NOX4: variants seen among roughly 807,000 people sequenced by gnomAD.
NOX4 encodes the protein NADPH oxidase 4, also known as kidney oxidase-1.
A neutral mutation model predicts 87.6 loss-of-function variants in NOX4; 69 were observed. The ratio of observed to expected loss-of-function variants is 0.79; its 90% confidence interval spans 0.65 to 0.96. The LOEUF is 0.96. NOX4 is among the 40% of genes least tolerant of loss of function. The pLI, the probability that NOX4 is intolerant of heterozygous loss-of-function variation, is 0.00. For missense variants in NOX4, 680 were observed against 681.5 expected, an observed-to-expected ratio of 1.00 and a Z score of 0.02; for synonymous variants, 275 against 238.2, an observed-to-expected ratio of 1.15 and a Z score of -1.42.
chr11:89,467,076 C>T (rs746238209), intron 2 of NOX4, among the ~76,000 whole-genome samples: 2 of 151,946 alleles, frequency 1.3e-5, no homozygotes, highest in Non-Finnish European at 2.9e-5. Context: ...CGGCCGGGCA[C>T]GGTGGCTCAC....
the NOX4 span, among the ~76,000 whole-genome samples, chr11:89,578,648 G>A: frequency 2.0e-5 from 3 of 152,134 alleles, no homozygotes; most frequent in African/African-American, 7.2e-5. Flanking sequence ...CCAAGGTGAA[G>A]ATTCCATAGC....
the NOX4 span, among the ~76,000 whole-genome samples, chr11:89,533,436 G>GTTAT: frequency 6.6e-6 from 1 of 151,098 alleles, no homozygotes; most frequent in Non-Finnish European, 1.5e-5. Flanking sequence ...CAAGCCAGAT[G>GTTAT]TAATAATAGA....
the NOX4 span, among the ~76,000 whole-genome samples, chr11:89,506,323 G>GAA: frequency 2.1e-3 from 311 of 146,238 alleles, no homozygotes; most frequent in Middle Eastern, 7.3e-3. Flanking sequence ...GAAAGAAAGA[G>GAA]AAAAAAGGAA....
At chr11:89,343,119 A>G (rs1439202898) in intron 13 of NOX4, among the ~76,000 whole-genome samples, 1 of 152,082 alleles carries the variant, frequency 6.6e-6, no homozygotes. Flanking sequence ...GTGTTTTGAA[A>G]TAACTTTGGA....
chr11:89,503,870 G>T, the NOX4 span, among the ~76,000 whole-genome samples: 2 of 145,232 alleles, frequency 1.4e-5, no homozygotes, highest in Non-Finnish European at 3.0e-5. Flanking sequence ...CATCATACTA[G>T]ATCAAAGCTG....
chr11:89,566,979 G>T, the NOX4 span, among the ~76,000 whole-genome samples: 104 of 152,282 alleles, frequency 6.8e-4, no homozygotes, highest in South Asian at 1.4e-3. Flanking sequence ...GCTGGGAACT[G>T]GGGGGTGTTG....
intron 2 of NOX4, among the ~76,000 whole-genome samples, chr11:89,465,098 T>G (rs994861455): frequency 2.6e-5 from 4 of 152,142 alleles, no homozygotes; most frequent in Admixed American, 6.6e-5. Flanking sequence ...CATGAACCCA[T>G]CAACTACATT....
chr11:89,572,197 C>T, the NOX4 span, among the ~76,000 whole-genome samples: 1 of 152,340 alleles, frequency 6.6e-6, no homozygotes, highest in South Asian at 2.1e-4. Context: ...GGGGCCATGT[C>T]CTTAACCTTG....
chr11:89,413,446 T>C (rs1942591595), intron 8 of NOX4, among the ~76,000 whole-genome samples: 1 of 152,110 alleles, frequency 6.6e-6, no homozygotes, highest in African/African-American at 2.4e-5. Flanking sequence ...CATCAACAGA[T>C]GAATGGATAA....
the NOX4 span, among the ~76,000 whole-genome samples, chr11:89,521,837 A>C: frequency 1.3e-5 from 2 of 152,176 alleles, no homozygotes; most frequent in Non-Finnish European, 2.9e-5. Flanking sequence ...CTGAACAAGC[A>C]AAAAACAAAT....
chr11:89,552,867 T>A, the NOX4 span, among the ~76,000 whole-genome samples: 2 of 152,162 alleles, frequency 1.3e-5, no homozygotes, highest in African/African-American at 4.8e-5. Flanking sequence ...TTCTCAAGAC[T>A]CACATGTGTT....
intron 4 of NOX4, 90 bp from the exon 5 acceptor site, chr11:89,444,322 G>A: frequency 2.0e-6 from 2 of 1,012,280 alleles, no homozygotes; most frequent in Non-Finnish European, 1.5e-6. Context: ...AGTAAATACA[G>A]GGCCAAACTT....
chr11:89,348,406 C>T (rs1212404259), intron 13 of NOX4, among the ~76,000 whole-genome samples: 2 of 150,452 alleles, frequency 1.3e-5, no homozygotes, highest in Non-Finnish European at 3.0e-5. Flanking sequence ...CAGAGTAAGA[C>T]TCCATCTCAA....
chr11:89,449,336 T>C, intron 4 of NOX4, 104 bp downstream of exon 4: 1 of 772,060 alleles, frequency 1.3e-6, no homozygotes, highest in Non-Finnish European at 2.0e-6. Context: ...TCTGGAAGAA[T>C]AAGATTAGGG....
chr11:89,446,248 A>G (rs1445091232), intron 4 of NOX4, among the ~76,000 whole-genome samples: 1 of 152,164 alleles, frequency 6.6e-6, no homozygotes, highest in East Asian at 1.9e-4. Context: ...AGAAACTGTC[A>G]TTCATTGCAG....
At chr11:89,455,516 T>G (rs1945152595) in intron 2 of NOX4, among the ~76,000 whole-genome samples, 1 of 152,116 alleles carries the variant, frequency 6.6e-6, no homozygotes. Flanking sequence ...AGCTGAATTT[T>G]TAAACACAGG....
intron 1 of NOX4, 144 bp downstream of exon 1, chr11:89,491,046 C>T: frequency 1.2e-6 from 1 of 843,372 alleles, no homozygotes; most frequent in Non-Finnish European, 1.9e-6. Context: ...ATTGTTATCT[C>T]CAGCATAAAG....
intron 5 of NOX4, among the ~76,000 whole-genome samples, chr11:89,441,710 C>T (rs1944462128): frequency 6.6e-6 from 1 of 151,694 alleles, no homozygotes. Context: ...CCTAAGAAAA[C>T]CCAGAAGATG....
rs1392504351 is a variant in NOX4, at chr11:89,325,215, A to C, written c.*1541T>G. The C allele has an allele frequency of 2.3e-5, 3 of 127,796 alleles. No individual in the cohort carries two copies. Among genetic ancestry groups the C allele is most frequent in the African/African-American group, 8.9e-5 (3 of 33,714 alleles). 7.9% of individuals were successfully genotyped at this position (127,796 alleles called of 1,614,324 possible). A position where few individuals can be genotyped will look rare whatever the true frequency, so the allele number is the denominator to read the frequency against. On this transcript the variant is annotated 3_prime_UTR_variant, in exon 18 of 18. Coordinates refer to ENST00000263317, the MANE Select transcript of NOX4 (RefSeq NM_016931.5). ...TCTTGGCTCACTGCAACCTCCGCCCACCGGGTTCAAGCGATTCTTTGCCTC... is the reference window on the plus strand; with the variant it reads ...TCTTGGCTCACTGCAACCTCCGCCCCCCGGGTTCAAGCGATTCTTTGCCTC...
Sources: allele counts gnomAD v4.1 joint callset (sites outside exome capture counted in the v4.1 genomes callset), GRCh38; gene constraint gnomAD v4.1.1; transcripts MANE v1.5; gene names NCBI Gene and HGNC (gene_info 2026-07-23, HGNC 2026-07-21).